TBC1D19: variants seen among roughly 807,000 people sequenced by gnomAD.
The protein encoded by TBC1D19 is TBC1 domain family, member 19.
Under a neutral mutation model 89.0 loss-of-function variants are expected in TBC1D19, and 60 were observed. That is an observed-to-expected ratio of 0.67 (90% CI 0.55 to 0.84). The LOEUF is 0.84. TBC1D19 is among the 40% of genes least tolerant of loss of function. TBC1D19 has a pLI of 0.00. For missense variants in TBC1D19, 500 were observed against 610.8 expected (o/e 0.82, Z 1.91); for synonymous variants, 189 against 199.7 (o/e 0.95, Z 0.45).
At chr4:26,798,372 A>G in the TBC1D19 span, among the ~76,000 whole-genome samples, 1 of 152,240 alleles carries the variant, frequency 6.6e-6, no homozygotes, top group Admixed American at 6.5e-5. Flanking sequence ...CACCAGTCAG[A>G]ATGGCTATTA....
the TBC1D19 span, among the ~76,000 whole-genome samples, chr4:26,763,399 C>G: frequency 6.6e-6 from 1 of 152,328 alleles, no homozygotes; most frequent in African/African-American, 2.4e-5. Context: ...AAAGCTTCAT[C>G]TGCATGATAA....
At position 26,745,703 on chromosome 4, in the gene TBC1D19, G is replaced by A. The variant is rs1428437993; in HGVS notation, c.1320-2708G>A. Among the ~76,000 whole-genome samples, 4 of 151,160 alleles carry A rather than the reference G, an allele frequency of 2.6e-5. No homozygotes were observed. The East Asian group carries it at 7.8e-4, about 29-fold the overall frequency. ...TTTTTTGTATTTTTAGTAGAGACGG[G>A]GTTTCACCATGTTGGCCAGACTGGT... On this transcript the variant is annotated intron_variant, in intron 18 of 20. Coordinates refer to ENST00000264866, the MANE Select transcript of TBC1D19 (RefSeq NM_018317.4).
At chr4:26,628,582 G>T (rs1742586737) in intron 4 of TBC1D19, among the ~76,000 whole-genome samples, 1 of 152,094 alleles carries the variant, frequency 6.6e-6, no homozygotes, top group Non-Finnish European at 1.5e-5. Flanking sequence ...CTTGTTTGCA[G>T]ATGACATAAT....
intron 13 of TBC1D19, among the ~76,000 whole-genome samples, chr4:26,699,847 G>A (rs921337026): frequency 6.8e-5 from 10 of 146,880 alleles, no homozygotes; most frequent in African/African-American, 2.0e-4. Flanking sequence ...GGAACTTCAC[G>A]CACTGGGGCC....
intron 15 of TBC1D19, among the ~76,000 whole-genome samples, chr4:26,723,963 G>A (rs1234051934): frequency 1.3e-5 from 2 of 152,190 alleles, no homozygotes; most frequent in African/African-American, 2.4e-5. Context: ...TAGGAAGTTG[G>A]GATGGGCATA....
the TBC1D19 span, among the ~76,000 whole-genome samples, chr4:26,792,558 C>A: frequency 2.0e-5 from 3 of 152,358 alleles, no homozygotes; most frequent in East Asian, 5.8e-4. Context: ...AAAAGTATAT[C>A]TTAATTGTAT....
intron 1 of TBC1D19, among the ~76,000 whole-genome samples, chr4:26,607,314 G>A (rs914059737): frequency 1.3e-5 from 2 of 152,108 alleles, no homozygotes; most frequent in Admixed American, 1.3e-4. Flanking sequence ...CTCCCTGACA[G>A]TCTTTTACAA....
chr4:26,660,518 G>A (rs13146615), intron 8 of TBC1D19, among the ~76,000 whole-genome samples: 69,275 of 151,978 alleles, frequency 0.46, 17,546 homozygotes, highest in Admixed American at 0.6. Context: ...TTATCATGCT[G>A]GAGCCGGACC....
At chr4:26,768,470 A>G in the TBC1D19 span, among the ~76,000 whole-genome samples, 6 of 152,360 alleles carry the variant, frequency 3.9e-5, no homozygotes, top group South Asian at 1.2e-3. Flanking sequence ...ACATGCAAAG[A>G]AGCAGGAAAA....
chr4:26,725,733 A>G (rs1222844073), intron 15 of TBC1D19, among the ~76,000 whole-genome samples: 1 of 152,106 alleles, frequency 6.6e-6, no homozygotes, highest in Non-Finnish European at 1.5e-5. Flanking sequence ...CTTCTAAACG[A>G]TCATCCTGTC....
At chr4:26,623,748 A>T (rs1242756395) in intron 4 of TBC1D19, among the ~76,000 whole-genome samples, 1 of 152,124 alleles carries the variant, frequency 6.6e-6, no homozygotes, top group Non-Finnish European at 1.5e-5. Flanking sequence ...TCTTTTCATT[A>T]CCAAGGCTGT....
At chr4:26,806,163 C>A in the TBC1D19 span, among the ~76,000 whole-genome samples, 17 of 152,104 alleles carry the variant, frequency 1.1e-4, no homozygotes, top group Middle Eastern at 3.4e-3. Context: ...TTGCCTCTGT[C>A]TGGAACACTT....
At chr4:26,577,759 A>G (rs1350341863) in intron 1 of TBC1D19, among the ~76,000 whole-genome samples, 1 of 152,230 alleles carries the variant, frequency 6.6e-6, no homozygotes, top group African/African-American at 2.4e-5. Flanking sequence ...AGGACTTATG[A>G]GAGACTGCAT....
intron 6 of TBC1D19, among the ~76,000 whole-genome samples, 174 bp downstream of exon 6, chr4:26,639,008 C>T (rs1445562943): frequency 6.6e-6 from 1 of 152,180 alleles, no homozygotes; most frequent in Non-Finnish European, 1.5e-5. Flanking sequence ...CTCCCAGACA[C>T]CACATGCAAC....
rs1740299746 is a variant in TBC1D19 at position 26,597,506 on chromosome 4, A to G, written c.99+13214A>G. Among the ~76,000 whole-genome samples, 3 of 149,160 alleles carry G rather than the reference A, an allele frequency of 2.0e-5. No homozygotes were observed. In the South Asian group the frequency reaches 6.3e-4, roughly 31 times the overall value. On this transcript the variant is annotated intron_variant, in intron 1 of 20. Coordinates refer to ENST00000264866, the MANE Select transcript of TBC1D19 (RefSeq NM_018317.4). Reference sequence around the variant, plus strand: ...CGTCATATAGTTTTCTTAAAAATCCAGACTGACAGCTAGAGTCTTTTTTTT... The same window carrying G: ...CGTCATATAGTTTTCTTAAAAATCCGGACTGACAGCTAGAGTCTTTTTTTT...
chr4:26,782,275 A>G, the TBC1D19 span, among the ~76,000 whole-genome samples: 3 of 152,210 alleles, frequency 2.0e-5, no homozygotes, highest in Non-Finnish European at 4.4e-5. Context: ...TAGAAAGAGC[A>G]GAGTAGGATT....
At chr4:26,694,624 C>CT (rs1714601535) in intron 13 of TBC1D19, among the ~76,000 whole-genome samples, 1 of 152,212 alleles carries the variant, frequency 6.6e-6, no homozygotes, top group Non-Finnish European at 1.5e-5. Context: ...CCTGAGTAGC[C>CT]TAACTGGGAG....
chr4:26,808,517 G>A, the TBC1D19 span, among the ~76,000 whole-genome samples: 1 of 152,104 alleles, frequency 6.6e-6, no homozygotes, highest in South Asian at 2.1e-4. Flanking sequence ...GGATCACAAG[G>A]TCAGGAGATT....
chr4:26,656,560 C>A (rs1192386836), intron 7 of TBC1D19, among the ~76,000 whole-genome samples: 1 of 150,604 alleles, frequency 6.6e-6, no homozygotes, highest in African/African-American at 2.4e-5. Context: ...TGGCTTTTAT[C>A]TGCTTTTTTT....
Sources: allele counts gnomAD v4.1 joint callset (sites outside exome capture counted in the v4.1 genomes callset), GRCh38; gene constraint gnomAD v4.1.1; transcripts MANE v1.5; gene names NCBI Gene and HGNC (gene_info 2026-07-23, HGNC 2026-07-21).